Variants in MEI4 observed in about 807,000 individuals in gnomAD.
The protein encoded by MEI4 is meiotic double-stranded break formation protein 4.
MEI4 carries 27 observed loss-of-function variants against 31.4 expected under a neutral mutation model. The ratio of observed to expected loss-of-function variants is 0.86; its 90% CI spans 0.63 to 1.19. The LOEUF is 1.19. MEI4 is among the 50% of genes most tolerant of loss of function. MEI4 has a pLI of 0.00. For synonymous variants in MEI4, 122 were observed against 145.4 expected (o/e 0.84, Z 1.16); for missense variants, 329 against 398.9 (o/e 0.82, Z 1.49).
At chr6:77,788,025 TA>T (rs1178769541) in intron 3 of MEI4, among the ~76,000 whole-genome samples, 1 of 152,194 alleles carries the variant, frequency 6.6e-6, no homozygotes, top group Non-Finnish European at 1.5e-5. Context: ...TAAAATGAGT[TA>T]GGGAGGATTC....
chr6:77,715,595 G>T (rs1766561561), intron 2 of MEI4, among the ~76,000 whole-genome samples: 4 of 152,136 alleles, frequency 2.6e-5, no homozygotes, highest in Admixed American at 2.0e-4. Flanking sequence ...TCCTATGCTA[G>T]ATAATAGACT....
intron 2 of MEI4, among the ~76,000 whole-genome samples, chr6:77,696,109 G>C (rs894372144): frequency 6.6e-6 from 1 of 152,120 alleles, no homozygotes. Context: ...TTTGCACATT[G>C]ATTTTGTATC....
Position 77,847,545 on chromosome 6 carries a change from T to C in MEI4, c.900+18483T>C, listed in dbSNP as rs1194040922. Among the ~76,000 whole-genome samples, 4 of 152,196 alleles carry C rather than the reference T, an allele frequency of 2.6e-5. No homozygotes were observed. The highest frequency in any genetic ancestry group is 9.6e-5 in the African/African-American group (4 of 41,452). On this transcript the variant is annotated intron_variant, in intron 4 of 4. Transcript: ENST00000684080. The surrounding 1 kb of genome is among the most constrained non-coding windows in gnomAD (Gnocchi z 4.6). ...CCTTTACTGATTGTTTTTCTCTTGT[T>C]TCCTGTGGCAAGTAAAATATATTTG...
chr6:77,729,675 A>C (rs1461249690), intron 2 of MEI4, among the ~76,000 whole-genome samples: 1 of 152,166 alleles, frequency 6.6e-6, no homozygotes, highest in African/African-American at 2.4e-5. Flanking sequence ...TTTATTCAGC[A>C]TTTATAGGGT....
chr6:77,765,086 A>G (rs1582117912), intron 3 of MEI4, among the ~76,000 whole-genome samples: 1 of 152,226 alleles, frequency 6.6e-6, no homozygotes, highest in East Asian at 1.9e-4. Context: ...CTTTTACTCA[A>G]TAGCTATGAC....
At chr6:77,736,825 G>A (rs1767252467) in intron 2 of MEI4, among the ~76,000 whole-genome samples, 1 of 151,430 alleles carries the variant, frequency 6.6e-6, no homozygotes, top group Non-Finnish European at 1.5e-5. Flanking sequence ...GTTCAGAGGA[G>A]AGAAAGTGAT....
In MEI4 at chr6:77,883,585, A is replaced by G. The variant is rs374749231; in HGVS notation, c.901-39504A>G. On this transcript the variant is annotated intron_variant, in intron 4 of 4. Coordinates refer to ENST00000684080, the MANE Select transcript of MEI4 (RefSeq NM_001322247.2). ...TGCCTGGCTTACTTCACATGGCACA[A>G]TGACCTTCAGTTCCATCTGCAGATG... is the stretch of plus-strand genomic sequence containing the variant. 5.3e-5 allele frequency among the ~76,000 whole-genome samples: 8 copies of G among 151,690 alleles called. No individual in the cohort carries two copies. In the East Asian group the frequency reaches 1.6e-3, roughly 30 times the overall value.
At chr6:77,877,869 AGAT>A (rs1028937000) in intron 4 of MEI4, among the ~76,000 whole-genome samples, 1 of 152,094 alleles carries the variant, frequency 6.6e-6, no homozygotes, top group Admixed American at 6.6e-5. Flanking sequence ...ACAAAAAAAA[AGAT>A]TGCTTGTAAA....
chr6:77,729,032 TAGAA>T (rs1269643608), intron 2 of MEI4, among the ~76,000 whole-genome samples: 1 of 152,090 alleles, frequency 6.6e-6, no homozygotes, highest in African/African-American at 2.4e-5. Flanking sequence ...TTTCACAAAA[TAGAA>T]AGTAAGTGAA....
intron 1 of MEI4, among the ~76,000 whole-genome samples, chr6:77,657,975 T>C (rs1373082087): frequency 6.6e-6 from 1 of 152,192 alleles, no homozygotes; most frequent in Non-Finnish European, 1.5e-5. Context: ...AGACACAGGA[T>C]TTGGAGGCGT....
At chr6:77,836,735 A>G (rs1770227064) in intron 4 of MEI4, among the ~76,000 whole-genome samples, 1 of 152,100 alleles carries the variant, frequency 6.6e-6, no homozygotes, top group African/African-American at 2.4e-5. Flanking sequence ...TTGAGAGAGG[A>G]ACCATATTCT....
chr6:77,876,591 C>T (rs1420535772), intron 4 of MEI4, among the ~76,000 whole-genome samples: 2 of 152,112 alleles, frequency 1.3e-5, no homozygotes, highest in Non-Finnish European at 2.9e-5. Context: ...ACTACCTAAC[C>T]CATTGTGGTT....
chr6:77,892,881 G>A (rs546374373), intron 4 of MEI4, among the ~76,000 whole-genome samples: 19 of 152,102 alleles, frequency 1.2e-4, no homozygotes, highest in South Asian at 6.2e-4. Flanking sequence ...ATCTTGGGGC[G>A]TGTGTGGGAC....
intron 2 of MEI4, among the ~76,000 whole-genome samples, chr6:77,694,567 C>G (rs1765965905): frequency 6.6e-6 from 1 of 152,060 alleles, no homozygotes; most frequent in South Asian, 2.1e-4. Context: ...CCAATTTTAT[C>G]CATGTCCCTA....
chr6:77,854,059 C>T (rs7743545), intron 4 of MEI4, among the ~76,000 whole-genome samples: 21,567 of 151,970 alleles, frequency 0.14, 1,810 homozygotes, highest in East Asian at 0.39. Flanking sequence ...CATGAGCTTC[C>T]TTTTTAAAAA....
At chr6:77,826,118 C>T (rs772346831) in intron 3 of MEI4, among the ~76,000 whole-genome samples, 7 of 152,112 alleles carry the variant, frequency 4.6e-5, no homozygotes, top group Non-Finnish European at 1.0e-4. Flanking sequence ...TCACTTGATC[C>T]CAGTTTTGTT....
chr6:77,701,400 T>A (rs1400922213), intron 2 of MEI4, among the ~76,000 whole-genome samples: 2 of 152,000 alleles, frequency 1.3e-5, no homozygotes, highest in Admixed American at 1.3e-4. Context: ...CGTAGGCAGA[T>A]TTAGGATTAA....
intron 2 of MEI4, among the ~76,000 whole-genome samples, chr6:77,706,793 A>G (rs1582044214): frequency 6.6e-6 from 1 of 152,110 alleles, no homozygotes; most frequent in Non-Finnish European, 1.5e-5. Context: ...CTGACTCACC[A>G]TGTGATACAC....
At chr6:77,743,989 C>A (rs1227148529) in intron 2 of MEI4, among the ~76,000 whole-genome samples, 2 of 152,006 alleles carry the variant, frequency 1.3e-5, no homozygotes, top group Non-Finnish European at 2.9e-5. Context: ...CATTAAAGAC[C>A]AAAAGTAGAT....
Sources: allele counts gnomAD v4.1 joint callset (sites outside exome capture counted in the v4.1 genomes callset), GRCh38; gene constraint gnomAD v4.1.1; non-coding constraint Gnocchi (gnomAD v3.1); transcripts MANE v1.5; gene names NCBI Gene and HGNC (gene_info 2026-07-23, HGNC 2026-07-21).